The following PRR5L variants were observed in gnomAD, a reference collection of about 807,000 sequenced individuals.
PRR5L encodes the protein proline rich 5 like.
Under a neutral mutation model 36.4 loss-of-function variants are expected in PRR5L, and 21 were observed. That is an observed-to-expected ratio of 0.58 (90% CI 0.41 to 0.83). The LOEUF is 0.83. Among genes scored for constraint, PRR5L ranks in the 40% least tolerant of loss-of-function variants. The pLI is 0.00. For missense variants in PRR5L, 381 were observed against 473.3 expected (o/e 0.80, Z 1.81); for synonymous variants, 188 against 197.0 (o/e 0.95, Z 0.38).
At chr11:36,330,854 C>T (rs115799354) in intron 1 of PRR5L, among the ~76,000 whole-genome samples, 188 of 152,002 alleles carry the variant, frequency 1.2e-3, no homozygotes, top group African/African-American at 4.3e-3. Context: ...TTGTGTAGGC[C>T]GGTGTTAGAG....
At chr11:36,423,169 A>C (rs1858307505) in intron 4 of PRR5L, among the ~76,000 whole-genome samples, 1 of 152,188 alleles carries the variant, frequency 6.6e-6, no homozygotes, top group Non-Finnish European at 1.5e-5. Flanking sequence ...AATACTAGGA[A>C]GAGAGGAAAC....
intron 1 of PRR5L, among the ~76,000 whole-genome samples, chr11:36,301,807 C>T (rs1467664074): frequency 6.6e-6 from 1 of 152,164 alleles, no homozygotes; most frequent in Non-Finnish European, 1.5e-5. Context: ...GTAGACCAAG[C>T]ATTCAGTGAT....
At chr11:36,419,917 TC>T (rs1270528237) in intron 4 of PRR5L, among the ~76,000 whole-genome samples, 2 of 151,898 alleles carry the variant, frequency 1.3e-5, no homozygotes, top group African/African-American at 4.8e-5. Flanking sequence ...GTAGTGGGGG[TC>T]CCCCAGGGGA....
intron 1 of PRR5L, among the ~76,000 whole-genome samples, chr11:36,359,637 GC>G (rs1857064411): frequency 6.6e-6 from 1 of 152,184 alleles, no homozygotes; most frequent in African/African-American, 2.4e-5. Flanking sequence ...TGATTCCAGA[GC>G]AGATGCCATG....
chr11:36,406,488 C>G (rs1180933837), intron 3 of PRR5L, among the ~76,000 whole-genome samples: 1 of 152,184 alleles, frequency 6.6e-6, no homozygotes, highest in Non-Finnish European at 1.5e-5. Flanking sequence ...AAGTATCTCC[C>G]AGGCATTGAC....
At chr11:36,340,515 A>G (rs1383476376) in intron 1 of PRR5L, among the ~76,000 whole-genome samples, 3 of 152,168 alleles carry the variant, frequency 2.0e-5, no homozygotes, top group African/African-American at 2.4e-5. Flanking sequence ...ACTGCAGCCA[A>G]TTTGGGAAGA....
Position 36,431,879 on chromosome 11 carries a change from C to G in PRR5L, c.321C>G (p.Phe107Leu), listed in dbSNP as rs1195452968. 6.2e-7 allele frequency: 1 copy of G among 1,613,978 alleles called. No homozygotes were observed. The highest frequency in any genetic ancestry group is 8.5e-7 in the Non-Finnish European group (1 of 1,179,998). Residue 107 changes from phenylalanine (F) to leucine (L), a missense_variant, in exon 5 of 9, where the codon TTC (phenylalanine) becomes TTG (leucine). Phe to Leu is a conservative substitution (Grantham distance 22, BLOSUM62 0). Coordinates refer to ENST00000530639, the MANE Select transcript of PRR5L (RefSeq NM_001160167.2). ...ACCAGCTTCTTGCAAAAGGACTGTT[C>G]TTTGTGGAGGAGAAGATCAAGCTGT... ...FQNQLLAKGL[F>L]FVEEKIKLCE...
chr11:36,420,825 AGTT>A (rs1342746845), intron 4 of PRR5L, among the ~76,000 whole-genome samples: 1 of 147,312 alleles, frequency 6.8e-6, no homozygotes, highest in African/African-American at 2.6e-5. Context: ...ATGACATGTC[AGTT>A]GTTTAAACAC....
At chr11:36,299,030 G>A (rs1344714332) in intron 1 of PRR5L, among the ~76,000 whole-genome samples, 2 of 152,178 alleles carry the variant, frequency 1.3e-5, no homozygotes, top group East Asian at 1.9e-4. Flanking sequence ...CTGGGGGTTA[G>A]GGCTTCATCA....
chr11:36,415,135 T>C lies in PRR5L; in HGVS notation c.246-4120T>C, dbSNP rs1858113808. Among the ~76,000 whole-genome samples the C allele has an allele frequency of 2.6e-5, 4 of 152,080 alleles. No homozygotes were observed. The South Asian group carries it at 8.3e-4, about 32-fold the overall frequency. On this transcript the variant is annotated intron_variant, in intron 3 of 8. Transcript: ENST00000530639. ...TGTAGCCTTGTAGTATAGTTTGAAG[T>C]CAGGTAGTGTGATGCCTCCAGCTTT...
intron 4 of PRR5L, among the ~76,000 whole-genome samples, chr11:36,420,021 G>C (rs1043818515): frequency 1.3e-5 from 2 of 152,158 alleles, no homozygotes; most frequent in African/African-American, 2.4e-5. Flanking sequence ...TGAGTTTAAG[G>C]TTCCAGGACC....
At chr11:36,317,154 G>A (rs1263171076) in intron 1 of PRR5L, among the ~76,000 whole-genome samples, 2 of 152,220 alleles carry the variant, frequency 1.3e-5, no homozygotes, top group Non-Finnish European at 2.9e-5. Flanking sequence ...TCGGAGCACA[G>A]GGAAGCTTCA....
At chr11:36,444,470 TG>T (rs1179125121) in intron 6 of PRR5L, among the ~76,000 whole-genome samples, 1 of 152,252 alleles carries the variant, frequency 6.6e-6, no homozygotes, top group Non-Finnish European at 1.5e-5. Flanking sequence ...TTTTAATCTT[TG>T]CCTTTAAATG....
At chr11:36,347,609 C>G (rs184169697) in intron 1 of PRR5L, among the ~76,000 whole-genome samples, 8 of 151,610 alleles carry the variant, frequency 5.3e-5, no homozygotes, top group Admixed American at 1.3e-4. Flanking sequence ...GCTTGCTGAG[C>G]CTGAAGAAGA....
At chr11:36,336,222 A>G (rs1404004065) in intron 1 of PRR5L, among the ~76,000 whole-genome samples, 3 of 152,200 alleles carry the variant, frequency 2.0e-5, no homozygotes, top group Admixed American at 6.5e-5. Flanking sequence ...ATGTATTTTA[A>G]AAAGAAAACT....
rs1312524294 is a variant in PRR5L at position 36,401,037 on chromosome 11, T to C, written c.-85T>C. The stretch of plus-strand genomic sequence containing the variant: ...GTGGTTTTAAGAAAGCCTGAGGGCC[T>C]GAAGGCAGCCCCTGGAGAAGCCCTT... On this transcript the variant is annotated 5_prime_UTR_variant, in exon 2 of 9. Transcript: ENST00000530639. 1 of 1,545,500 alleles carries C rather than the reference T, an allele frequency of 6.5e-7. No homozygotes were observed. Among genetic ancestry groups the C allele is most frequent in the Non-Finnish European group, 8.7e-7 (1 of 1,146,000 alleles).
intron 1 of PRR5L, among the ~76,000 whole-genome samples, chr11:36,367,746 C>G (rs1413550628): frequency 9.3e-5 from 1 of 10,716 alleles, no homozygotes; most frequent in Non-Finnish European, 1.5e-4. Context: ...GAACTTCTCT[C>G]TCTCTCTCTC....
At chr11:36,321,330 C>G (rs777604061) in intron 1 of PRR5L, 2 of 152,250 alleles carry the variant, frequency 1.3e-5, no homozygotes, top group Non-Finnish European at 2.9e-5. Context: ...AGACCCAGGG[C>G]CTGCCTGCTT....
Position 36,329,971 on chromosome 11 carries a change from G to A in PRR5L, c.-126+33533G>A, listed in dbSNP as rs1207404578. 2.0e-5 allele frequency among the ~76,000 whole-genome samples: 3 copies of A among 152,124 alleles called. No homozygotes were observed. In the East Asian group the frequency reaches 5.8e-4, roughly 29 times the overall value. ...AGTCAAACTTAGTTGTTAAAATATTGGTCATATCTGATTCAAGGCACATCA... is the reference window on the plus strand; with the variant it reads ...AGTCAAACTTAGTTGTTAAAATATTAGTCATATCTGATTCAAGGCACATCA... On this transcript the variant is annotated intron_variant, in intron 1 of 8. Transcript: ENST00000530639.
Sources: gnomAD v4.1 joint callset for allele counts (sites outside exome capture counted in the v4.1 genomes callset) on GRCh38, gnomAD v4.1.1 for gene constraint, MANE v1.5 for transcripts, NCBI Gene and HGNC (gene_info 2026-07-23, HGNC 2026-07-21) for gene names.